Variants in RBFOX1 observed in about 807,000 individuals in gnomAD.
RBFOX1 encodes RNA binding protein fox-1 homolog 1.
RBFOX1 carries 8 observed loss-of-function variants against 57.7 expected under a neutral mutation model. The ratio of observed to expected loss-of-function variants is 0.14; its 90% CI spans 0.08 to 0.25. The LOEUF (loss-of-function observed/expected upper bound fraction) is 0.25. Among genes scored for constraint, RBFOX1 ranks in the 10% least tolerant of loss-of-function variants. The pLI is 1.00. For synonymous variants in RBFOX1, 326 were observed against 222.4 expected, an observed-to-expected ratio of 1.47 and a Z score of -4.15; for missense variants, 611 against 548.5, an observed-to-expected ratio of 1.11 and a Z score of -1.14.
intron 4 of RBFOX1, among the ~76,000 whole-genome samples, chr16:7,440,964 G>A (rs1307990575): frequency 5.3e-5 from 8 of 152,020 alleles, no homozygotes; most frequent in South Asian, 2.1e-4. Flanking sequence ...AGTTAAGCCC[G>A]CCCAGAGTTT....
intron 4 of RBFOX1, among the ~76,000 whole-genome samples, chr16:7,293,190 A>G (rs1425124847): frequency 6.6e-6 from 1 of 152,208 alleles, no homozygotes; most frequent in African/African-American, 2.4e-5. Flanking sequence ...TGTCTGTGCT[A>G]AACATGTGCA....
At position 7,236,642 on chromosome 16, in the gene RBFOX1, A is replaced by G. The variant is rs114814239; in HGVS notation, c.27+184544A>G. Among the ~76,000 whole-genome samples the G allele has an allele frequency of 4.5e-3, 680 of 152,270 alleles. 3 individuals carry two copies. The highest frequency in any genetic ancestry group is 0.015 in the African/African-American group (617 of 41,550). On this transcript the variant is annotated intron_variant, in intron 4 of 15. Transcript: ENST00000550418. ...GTCAACTTCCCAAATCATGAAGTCT[A>G]TGTGGCTTTTAGTAGTTGTTTGCAG...
intron 14 of RBFOX1, among the ~76,000 whole-genome samples, chr16:7,686,473 C>G (rs560097945): frequency 6.6e-6 from 1 of 152,188 alleles, no homozygotes; most frequent in African/African-American, 2.4e-5. Flanking sequence ...ATAAACCCAG[C>G]CTTCGAACTA....
At position 7,083,697 on chromosome 16, in the gene RBFOX1, C is replaced by G. The variant is rs1598999645; in HGVS notation, c.27+31599C>G. ...CCCTATCAGGCAAAATGTTCACTTT[C>G]AGCTATTTCACTCCTTTCCCTTTTC... On this transcript the variant is annotated intron_variant, in intron 4 of 15. Transcript: ENST00000550418. 7.2e-5 allele frequency among the ~76,000 whole-genome samples: 11 copies of G among 152,282 alleles called. No individual in the cohort carries two copies. The South Asian group carries it at 2.3e-3, about 32-fold the overall frequency.
chr16:7,095,161 G>A (rs1218046221), intron 4 of RBFOX1, among the ~76,000 whole-genome samples: 3 of 151,908 alleles, frequency 2.0e-5, no homozygotes. Context: ...GCCCAGGCTG[G>A]AGTTTCACTC....
At chr16:6,329,948 A>G (rs1194752633) in intron 2 of RBFOX1, among the ~76,000 whole-genome samples, 1 of 152,100 alleles carries the variant, frequency 6.6e-6, no homozygotes. Context: ...CAAACAAATA[A>G]CAACAACAAA....
intron 1 of RBFOX1, among the ~76,000 whole-genome samples, chr16:6,125,146 G>A (rs1249627527): frequency 6.6e-6 from 1 of 152,204 alleles, no homozygotes; most frequent in Non-Finnish European, 1.5e-5. Context: ...CATACTGTAA[G>A]GGACATTGTG....
intron 4 of RBFOX1, among the ~76,000 whole-genome samples, chr16:5,884,061 A>G (rs2057834860): frequency 6.6e-6 from 1 of 152,200 alleles, no homozygotes; most frequent in Admixed American, 6.5e-5. Flanking sequence ...TTCTCATCTG[A>G]AAGATGGGGA....
chr16:7,031,368 G>T (rs750017352), intron 3 of RBFOX1, among the ~76,000 whole-genome samples: 3 of 152,226 alleles, frequency 2.0e-5, no homozygotes, highest in East Asian at 3.9e-4. Flanking sequence ...GGCCGAGGCA[G>T]GTGGATCACT....
intron 4 of RBFOX1, among the ~76,000 whole-genome samples, chr16:7,306,581 G>GTA (rs1491461525): frequency 0.018 from 6 of 330 alleles, no homozygotes; most frequent in African/African-American, 0.097. Context: ...AATGGTGTGC[G>GTA]TGTGTGTGTG....
chr16:6,020,119 C>G, intron 1 of RBFOX1, 127 bp downstream of exon 1: 1 of 1,132,806 alleles, frequency 8.8e-7, no homozygotes, highest in East Asian at 3.0e-5. Flanking sequence ...TCTGGGCGCT[C>G]TGGACGGGAA....
At chr16:5,845,906 C>T (rs1252865895) in intron 3 of RBFOX1, among the ~76,000 whole-genome samples, 1 of 152,112 alleles carries the variant, frequency 6.6e-6, no homozygotes, top group Non-Finnish European at 1.5e-5. Context: ...GGCGTGGTGG[C>T]TCACGCCTGT....
chr16:5,711,345 G>T (rs931966757), intron 3 of RBFOX1, among the ~76,000 whole-genome samples: 2 of 152,242 alleles, frequency 1.3e-5, no homozygotes, highest in South Asian at 4.1e-4. Flanking sequence ...CACACAGCTA[G>T]TAAGTGGCAA....
intron 3 of RBFOX1, among the ~76,000 whole-genome samples, chr16:5,631,288 G>C (rs1293072403): frequency 1.3e-5 from 2 of 152,192 alleles, no homozygotes; most frequent in Non-Finnish European, 2.9e-5. Context: ...GGCAGGCGTG[G>C]TGGCTTACGC....
chr16:6,567,967 C>T (rs974201438), intron 2 of RBFOX1, among the ~76,000 whole-genome samples: 5 of 152,228 alleles, frequency 3.3e-5, no homozygotes, highest in Admixed American at 3.3e-4. Flanking sequence ...ACTACAGGCG[C>T]ATGCCACCAT....
Position 5,244,491 on chromosome 16 carries a change from C to T in RBFOX1, c.219+4386C>T, listed in dbSNP as rs531729292. Among the ~76,000 whole-genome samples, 70 of 152,286 alleles carry T rather than the reference C, an allele frequency of 4.6e-4. No individual in the cohort carries two copies. The South Asian group carries it at 0.013, about 29-fold the overall frequency. ...CTCCCATACTGGGGACTTGCAGAGC[C>T]GACTCCCTGAGATAGGGTGTTTGGA... On this transcript the variant is annotated intron_variant, in intron 1 of 2. Transcript: ENST00000585867.
chr16:5,807,433 G>A (rs887270676), intron 3 of RBFOX1, among the ~76,000 whole-genome samples: 7 of 152,148 alleles, frequency 4.6e-5, no homozygotes, highest in African/African-American at 1.7e-4. Context: ...TCTGACTGCT[G>A]CAAAAGGTGG....
At chr16:7,208,939 C>G (rs1468751279) in intron 4 of RBFOX1, among the ~76,000 whole-genome samples, 1 of 151,994 alleles carries the variant, frequency 6.6e-6, no homozygotes, top group African/African-American at 2.4e-5. Flanking sequence ...GGGCATTAAT[C>G]TATTCATGAG....
intron 5 of RBFOX1, among the ~76,000 whole-genome samples, chr16:7,566,455 C>T (rs2091708643): frequency 6.6e-6 from 1 of 152,136 alleles, no homozygotes; most frequent in Non-Finnish European, 1.5e-5. Context: ...CTTGAAAGGC[C>T]ATTCAGGAGC....
Sources: allele counts gnomAD v4.1 joint callset (sites outside exome capture counted in the v4.1 genomes callset), GRCh38; gene constraint gnomAD v4.1.1; transcripts MANE v1.5; gene names NCBI Gene and HGNC (gene_info 2026-07-23, HGNC 2026-07-21).